OPCML: variants seen among roughly 807,000 people sequenced by gnomAD.
OPCML encodes the protein opioid-binding protein/cell adhesion molecule.
OPCML carries 13 observed loss-of-function variants against 37.8 expected under a neutral mutation model. That is an observed-to-expected ratio of 0.34 (90% CI 0.22 to 0.55). The LOEUF (loss-of-function observed/expected upper bound fraction) is 0.55. OPCML is among the 20% of genes least tolerant of loss of function. The probability of loss-of-function intolerance (pLI) is 0.91; values close to 1 mark genes in which losing one functional copy is unlikely to be tolerated. For missense variants in OPCML, 341 were observed against 435.6 expected (o/e 0.78, Z 1.93); for synonymous variants, 176 against 168.8 (o/e 1.04, Z -0.33).
At chr11:133,028,165 T>C (rs1057068358) in intron 1 of OPCML, among the ~76,000 whole-genome samples, 4 of 152,032 alleles carry the variant, frequency 2.6e-5, no homozygotes, top group African/African-American at 7.3e-5. Flanking sequence ...CTTGTCCCTC[T>C]GCAGACTTAG....
chr11:133,175,268 G>T (rs899044503), intron 1 of OPCML, among the ~76,000 whole-genome samples: 3 of 152,178 alleles, frequency 2.0e-5, no homozygotes, highest in Admixed American at 6.5e-5. Flanking sequence ...GCAACAATCA[G>T]AAAGGATGTG....
chr11:132,553,519 G>T (rs904800209), intron 3 of OPCML, among the ~76,000 whole-genome samples: 2 of 152,152 alleles, frequency 1.3e-5, no homozygotes, highest in Admixed American at 6.6e-5. Flanking sequence ...CCACAGAAGG[G>T]CATAGCTGAG....
intron 1 of OPCML, among the ~76,000 whole-genome samples, chr11:133,052,314 ATCATTTGAGG>A (rs1179678578): frequency 6.6e-6 from 1 of 152,338 alleles, no homozygotes; most frequent in African/African-American, 2.4e-5. Context: ...TTATAGAATA[ATCATTTGAGG>A]TCACTCCATT....
intron 2 of OPCML, among the ~76,000 whole-genome samples, chr11:132,851,741 G>A (rs547611801): frequency 1.6e-4 from 24 of 152,282 alleles, no homozygotes; most frequent in Admixed American, 5.9e-4. Context: ...ATTTATAGAA[G>A]AGAAGACTGA....
chr11:132,459,283 G>A (rs994477153), intron 4 of OPCML, among the ~76,000 whole-genome samples: 1 of 151,876 alleles, frequency 6.6e-6, no homozygotes, highest in Non-Finnish European at 1.5e-5. Flanking sequence ...CAGGCCTTTG[G>A]ACTCCAACTG....
intron 1 of OPCML, among the ~76,000 whole-genome samples, chr11:133,463,177 CAA>C (rs531526248): frequency 5.4e-5 from 5 of 93,036 alleles, no homozygotes; most frequent in South Asian, 6.5e-4. Flanking sequence ...GTTAAAAAAA[CAA>C]AAAAAAAAAT....
intron 4 of OPCML, among the ~76,000 whole-genome samples, chr11:132,503,677 A>G (rs984694885): frequency 6.6e-6 from 1 of 152,192 alleles, no homozygotes; most frequent in African/African-American, 2.4e-5. Context: ...AACTAGTACA[A>G]AAACCACTAG....
At chr11:133,260,857 A>G (rs1431824812) in intron 1 of OPCML, among the ~76,000 whole-genome samples, 1 of 143,750 alleles carries the variant, frequency 7.0e-6, no homozygotes, top group Non-Finnish European at 1.5e-5. Context: ...TTCTTCCTTG[A>G]TGCCTTAGTA....
At chr11:133,360,436 C>T (rs1258847945) in intron 1 of OPCML, 2 of 152,232 alleles carry the variant, frequency 1.3e-5, no homozygotes, top group Non-Finnish European at 2.9e-5. Context: ...AAGCCGGTCT[C>T]CTCTGGACTG....
rs192811694 is a variant in OPCML at position 133,093,295 on chromosome 11, T to A, written c.62-150285A>T. On this transcript the variant is annotated intron_variant, in intron 1 of 7. Transcript: ENST00000524381. ...TTTTTTCCATTTTCATTCTTTTTTT[T>A]AAAATTTACTTTAAGTTCTGGGATA... Among the ~76,000 whole-genome samples the A allele has an allele frequency of 7.3e-3, 1,109 of 151,722 alleles. 10 individuals carry two copies. Among genetic ancestry groups the A allele is most frequent in the African/African-American group, 0.018 (752 of 41,348 alleles).
chr11:132,476,401 T>C (rs929959035), intron 4 of OPCML, among the ~76,000 whole-genome samples: 3 of 152,074 alleles, frequency 2.0e-5, no homozygotes, highest in Non-Finnish European at 4.4e-5. Context: ...GTATGTTTAT[T>C]GCGGCACTAT....
intron 1 of OPCML, chr11:133,004,025 G>C (rs1283261413): frequency 3.0e-6 from 3 of 985,268 alleles, no homozygotes; most frequent in Non-Finnish European, 3.6e-6. Context: ...CACCGCTCTG[G>C]AGTCAGGCGG....
At chr11:133,196,819 C>T (rs78555341) in intron 1 of OPCML, among the ~76,000 whole-genome samples, 1,754 of 152,258 alleles carry the variant, frequency 0.012, 27 homozygotes, top group African/African-American at 0.038. Flanking sequence ...CTCTGAAATA[C>T]TAAAGAGCTA....
intron 2 of OPCML, among the ~76,000 whole-genome samples, chr11:132,879,335 C>G (rs1023253834): frequency 4.6e-5 from 7 of 152,058 alleles, no homozygotes; most frequent in African/African-American, 1.7e-4. Context: ...ATAGGGTGAA[C>G]AAATACATGA....
rs59616366 is a variant in OPCML, at chr11:133,096,130, ATGTGTGTGTG to A, written c.62-153130_62-153121del. On this transcript the variant is annotated intron_variant, in intron 1 of 7. Transcript: ENST00000524381. ...ATAGCAACAAGGTATTTGTGCACAA[ATGTGTGTGTG>A]TGTGTGTGTGTGTGTTTATGTGTAA... Among the ~76,000 whole-genome samples, 5 of 150,212 alleles carry A rather than the reference ATGTGTGTGTG, an allele frequency of 3.3e-5. No homozygotes were observed. The South Asian group carries it at 6.3e-4, about 19-fold the overall frequency.
At chr11:133,321,245 A>G (rs1358687404) in intron 1 of OPCML, among the ~76,000 whole-genome samples, 2 of 152,206 alleles carry the variant, frequency 1.3e-5, no homozygotes, top group Non-Finnish European at 2.9e-5. Context: ...ATGAAGGTGC[A>G]GTGCTGGACA....
intron 1 of OPCML, chr11:133,439,463 T>C (rs1946313553): frequency 1.0e-6 from 1 of 983,862 alleles, no homozygotes. Context: ...TGTTTTTCTT[T>C]GTTTTTGTTT....
rs2095945317 is a variant in OPCML, at chr11:132,418,249, G to T, written c.*1944C>A. On this transcript the variant is annotated 3_prime_UTR_variant, in exon 8 of 8. Coordinates refer to ENST00000524381, the MANE Select transcript of OPCML (RefSeq NM_001012393.5). ...GAAAAGGTTTTCCAACTGAGGCAGGGCAGGTCTGCGATTGATGCTGCATTC... is the reference window on the plus strand; with the variant it reads ...GAAAAGGTTTTCCAACTGAGGCAGGTCAGGTCTGCGATTGATGCTGCATTC... 6.6e-6 allele frequency: 1 copy of T among 152,150 alleles called. No individual in the cohort carries two copies. Among genetic ancestry groups the T allele is most frequent in the Non-Finnish European group, 1.5e-5 (1 of 68,040 alleles). The allele number at this position is 152,150 out of a possible 1,614,324, so 9.4% of individuals were successfully genotyped here.
intron 3 of OPCML, among the ~76,000 whole-genome samples, chr11:132,582,104 TTGTGTGTGTGTGTGTGTGTGTG>T (rs145244488): frequency 2.1e-5 from 3 of 140,410 alleles, no homozygotes; most frequent in Admixed American, 7.1e-5. Context: ...CACACATACT[TTGTGTGTGTGTGTGTGTGTGTG>T]TGTGTGTGTG....
Sources: gnomAD v4.1 joint callset for allele counts (sites outside exome capture counted in the v4.1 genomes callset) on GRCh38, gnomAD v4.1.1 for gene constraint, MANE v1.5 for transcripts, NCBI Gene and HGNC (gene_info 2026-07-23, HGNC 2026-07-21) for gene names.